The following FCHO2 variants were observed in gnomAD, a reference collection of about 807,000 sequenced individuals.
The protein encoded by FCHO2 is FCH and mu domain containing endocytic adaptor 2, also known as F-BAR domain only protein 2.
FCHO2 carries 43 observed loss-of-function variants against 114.1 expected under a neutral mutation model. That is an observed-to-expected ratio of 0.38 (90% CI 0.30 to 0.49). The LOEUF (loss-of-function observed/expected upper bound fraction) is 0.49. FCHO2 is among the 20% of genes least tolerant of loss of function. FCHO2 has a pLI of 0.97. For synonymous variants in FCHO2, 293 were observed against 315.2 expected (o/e 0.93, Z 0.75); for missense variants, 807 against 950.4 (o/e 0.85, Z 1.98).
chr5:72,956,258 C>A, intron 1 of FCHO2, 129 bp downstream of exon 1: 1 of 1,281,394 alleles, frequency 7.8e-7, no homozygotes, highest in Non-Finnish European at 1.1e-6. Flanking sequence ...TGCCGCGTCC[C>A]GCCTGGGTGA....
intron 6 of FCHO2, among the ~76,000 whole-genome samples, chr5:73,011,473 C>T (rs1172595859): frequency 1.3e-4 from 20 of 150,494 alleles, no homozygotes. Flanking sequence ...TTTTTTTTAA[C>T]TTTTTAAATC....
At chr5:73,010,612 C>T (rs1441534804) in intron 6 of FCHO2, among the ~76,000 whole-genome samples, 3 of 152,000 alleles carry the variant, frequency 2.0e-5, no homozygotes, top group African/African-American at 7.2e-5. Flanking sequence ...CATGGTGGCT[C>T]ACGCCTGTAA....
chr5:73,014,219 C>T lies in FCHO2; in HGVS notation c.601-1407C>T, dbSNP rs554626663. Among the ~76,000 whole-genome samples the T allele has an allele frequency of 3.3e-5, 5 of 152,070 alleles. No homozygotes were observed. The South Asian group carries it at 1.0e-3, about 32-fold the overall frequency. On this transcript the variant is annotated intron_variant, in intron 6 of 25. Coordinates refer to ENST00000430046, the MANE Select transcript of FCHO2 (RefSeq NM_138782.3). ...GCTGAAATAGAGTATATAGGCTTTC[C>T]CAGATTTCTTTGATGACAGCCATCT...
At chr5:73,058,638 C>G in intron 17 of FCHO2, 114 bp downstream of exon 17, 1 of 434,354 alleles carries the variant, frequency 2.3e-6, no homozygotes. Flanking sequence ...AAAATTTGTC[C>G]TCTGTATTGC....
intron 17 of FCHO2, 97 bp downstream of exon 17, chr5:73,058,621 A>T (rs1757711386): frequency 4.0e-6 from 2 of 500,094 alleles, no homozygotes; most frequent in Non-Finnish European, 6.4e-6. Flanking sequence ...AATGATCAAA[A>T]TTTCTAAAAA....
At chr5:73,077,868 CCTT>C (rs1742966914) in intron 21 of FCHO2, among the ~76,000 whole-genome samples, 1 of 152,046 alleles carries the variant, frequency 6.6e-6, no homozygotes, top group Non-Finnish European at 1.5e-5. Flanking sequence ...ATGTTTTCCC[CCTT>C]CTTCTTTGAA....
intron 2 of FCHO2, among the ~76,000 whole-genome samples, chr5:72,972,867 A>G (rs1345021296): frequency 3.9e-5 from 6 of 152,184 alleles, no homozygotes; most frequent in Non-Finnish European, 1.5e-5. Flanking sequence ...TTATTTTGAA[A>G]TACGTCCCAT....
intron 2 of FCHO2, among the ~76,000 whole-genome samples, chr5:72,983,547 CTTTTT>C (rs35592345): frequency 2.7e-5 from 3 of 112,896 alleles, no homozygotes; most frequent in East Asian, 2.5e-4. Context: ...AGTGACAATA[CTTTTT>C]TTTTTTTTTT....
In FCHO2 at chr5:73,088,331, C is replaced by T; in HGVS notation, c.*241C>T. 1 of 501,468 alleles carries T rather than the reference C, an allele frequency of 2.0e-6. No individual in the cohort carries two copies. The highest frequency in any genetic ancestry group is 3.5e-6 in the Non-Finnish European group (1 of 287,246). The allele number at this position is 501,468 out of a possible 1,614,324, so 31.1% of individuals were successfully genotyped here. A position where few individuals can be genotyped will look rare whatever the true frequency, so the allele number is the denominator to read the frequency against. Reference sequence around the variant, plus strand: ...CAGGAAGCACATTTATTCAGATTCTCAGTAAAAATGAAGTTTTTGTAGGAT... The same window carrying T: ...CAGGAAGCACATTTATTCAGATTCTTAGTAAAAATGAAGTTTTTGTAGGAT... On this transcript the variant is annotated 3_prime_UTR_variant, in exon 26 of 26. Transcript: ENST00000430046.
chr5:72,973,084 T>G (rs1192876352), intron 2 of FCHO2, among the ~76,000 whole-genome samples: 3 of 152,204 alleles, frequency 2.0e-5, no homozygotes, highest in African/African-American at 7.2e-5. Flanking sequence ...CTTTTTGATG[T>G]GTTGCTGGAT....
At chr5:72,971,779 C>G (rs1188068052) in intron 2 of FCHO2, among the ~76,000 whole-genome samples, 4 of 152,154 alleles carry the variant, frequency 2.6e-5, no homozygotes, top group African/African-American at 9.7e-5. Context: ...CTTGCCCATG[C>G]CTATGTCCTG....
intron 17 of FCHO2, among the ~76,000 whole-genome samples, chr5:73,062,732 T>A (rs1358071686): frequency 6.6e-6 from 1 of 152,064 alleles, no homozygotes; most frequent in Non-Finnish European, 1.5e-5. Context: ...TGTACAACTT[T>A]CAATCCGTGT....
Position 73,071,320 on chromosome 5 carries a change from A to T in FCHO2, c.1579+2541A>T, listed in dbSNP as rs1229725061. Among the ~76,000 whole-genome samples, 12 of 149,448 alleles carry T rather than the reference A, an allele frequency of 8.0e-5. No homozygotes were observed. The South Asian group carries it at 8.5e-4, about 11-fold the overall frequency. On this transcript the variant is annotated intron_variant, in intron 19 of 25. Transcript: ENST00000430046. ...AAGAATTAAAAGGAATATGTCAGTT[A>T]AAAAAAAAACCTCTAATACCTAAAT...
chr5:73,086,554 T>C (rs751406258), intron 24 of FCHO2, among the ~76,000 whole-genome samples: 5 of 152,222 alleles, frequency 3.3e-5, no homozygotes, highest in Non-Finnish European at 7.3e-5. Context: ...CTCCTAAATA[T>C]CTTTCAAATA....
chr5:72,989,499 T>G lies in FCHO2; in HGVS notation c.198T>G (p.Leu66=). Residue 66 remains leucine, a splice_region_variant and synonymous_variant, in exon 3 of 26, where the codon CTT becomes CTG. Coordinates refer to ENST00000430046, the MANE Select transcript of FCHO2 (RefSeq NM_138782.3). ...LAKSASNYSQ[L]GTFAPVWDVF... ...AATCTGCAAGCAATTATTCACAACT[T>G]GGGTGAGTTAATTTCTTCCTCTTTT... The G allele has an allele frequency of 6.3e-7, 1 of 1,598,024 alleles. No homozygotes were observed. The highest frequency in any genetic ancestry group is 8.5e-7 in the Non-Finnish European group (1 of 1,171,440).
chr5:73,021,062 C>G (rs1281768082), intron 8 of FCHO2: 1 of 922,832 alleles, frequency 1.1e-6, no homozygotes, highest in African/African-American at 1.6e-5. Flanking sequence ...ACCTGGTCCT[C>G]TCCCTCTGGA....
At chr5:73,004,306 G>A (rs1201387035) in intron 5 of FCHO2, among the ~76,000 whole-genome samples, 3 of 152,082 alleles carry the variant, frequency 2.0e-5, no homozygotes, top group African/African-American at 2.4e-5. Flanking sequence ...TATTTGAACA[G>A]GGGCAGGATA....
Position 73,058,539 on chromosome 5 carries a change from G to A in FCHO2, c.1345+15G>A. ...ATCATCATCAGGTAAATATATATAT[G>A]TATATATGTATTTTTTTAAATAAAG... On this transcript the variant is annotated intron_variant, in intron 17 of 25. Transcript: ENST00000430046. 9 of 945,960 alleles carry A rather than the reference G, an allele frequency of 9.5e-6. No individual in the cohort carries two copies. The highest frequency in any genetic ancestry group is 1.4e-5 in the Non-Finnish European group (9 of 661,640). The allele number at this position is 945,960 out of a possible 1,614,324, so 58.6% of individuals were successfully genotyped here.
Position 73,081,656 on chromosome 5 carries a change from C to T in FCHO2, c.1981-127C>T, listed in dbSNP as rs1222148655. 2.8e-5 allele frequency: 17 copies of T among 600,128 alleles called. No homozygotes were observed. The South Asian group carries it at 6.7e-4, about 24-fold the overall frequency. The allele number at this position is 600,128 out of a possible 1,614,324, so 37.2% of individuals were successfully genotyped here. A position where few individuals can be genotyped will look rare whatever the true frequency, so the allele number is the denominator to read the frequency against. On this transcript the variant is annotated intron_variant, in intron 22 of 25. Transcript: ENST00000430046. ...TTTGAGATAGGTCTGCTTCACTCTG[C>T]CAACAGATAGTCCCCTCATTAGATA...
Sources: allele counts gnomAD v4.1 joint callset (sites outside exome capture counted in the v4.1 genomes callset), GRCh38; gene constraint gnomAD v4.1.1; transcripts MANE v1.5; gene names NCBI Gene and HGNC (gene_info 2026-07-23, HGNC 2026-07-21).